Variants in ST3GAL1 observed in about 807,000 individuals in gnomAD.
The protein encoded by ST3GAL1 is ST3 beta-galactoside alpha-2,3-sialyltransferase 1.
Under a neutral mutation model 34.1 loss-of-function variants are expected in ST3GAL1, and 16 were observed. The ratio of observed to expected loss-of-function variants is 0.47; its 90% CI spans 0.32 to 0.71. The LOEUF (loss-of-function observed/expected upper bound fraction) is 0.71. Among genes scored for constraint, ST3GAL1 ranks in the 30% least tolerant of loss-of-function variants. ST3GAL1 has a pLI of 0.04. For missense variants in ST3GAL1, 353 were observed against 447.4 expected (o/e 0.79, Z 1.90); for synonymous variants, 191 against 184.7 (o/e 1.03, Z -0.28).
intron 3 of ST3GAL1, among the ~76,000 whole-genome samples, chr8:133,495,059 C>A (rs904763821): frequency 6.6e-6 from 1 of 152,006 alleles, no homozygotes; most frequent in Non-Finnish European, 1.5e-5. Flanking sequence ...GCTGGGACTA[C>A]AGGTGTGTGC....
At chr8:133,566,472 C>G (rs1187971910) in intron 1 of ST3GAL1, among the ~76,000 whole-genome samples, 4 of 152,132 alleles carry the variant, frequency 2.6e-5, no homozygotes, top group Non-Finnish European at 5.9e-5. Flanking sequence ...CTGGGACTCC[C>G]GCATGCACAA....
At chr8:133,509,596 G>A (rs771312885) in intron 2 of ST3GAL1, among the ~76,000 whole-genome samples, 4 of 152,254 alleles carry the variant, frequency 2.6e-5, no homozygotes, top group South Asian at 2.1e-4. Context: ...GAGCTCAGGC[G>A]GAGGGACATG....
chr8:133,544,522 C>A (rs1178545038), intron 2 of ST3GAL1, among the ~76,000 whole-genome samples: 1 of 152,166 alleles, frequency 6.6e-6, no homozygotes, highest in Non-Finnish European at 1.5e-5. Context: ...CTCACACATG[C>A]CACATCTTCA....
rs1413224060 is a variant in ST3GAL1, at chr8:133,457,277, C to G, written c.*2487G>C. The G allele has an allele frequency of 6.6e-6, 1 of 152,286 alleles. No individual in the cohort carries two copies. Among genetic ancestry groups the G allele is most frequent in the African/African-American group, 2.4e-5 (1 of 41,438 alleles). The allele number at this position is 152,286 out of a possible 1,614,324, so 9.4% of individuals were successfully genotyped here. On this transcript the variant is annotated 3_prime_UTR_variant, in exon 10 of 10. Coordinates refer to ENST00000522652, the MANE Select transcript of ST3GAL1 (RefSeq NM_173344.3). The stretch of plus-strand genomic sequence containing the variant: ...ACCCAGGCAGCATCTGGCTCAGACG[C>G]AGACACATCTTCATGTTGAGGGACC...
At position 133,540,994 on chromosome 8, in the gene ST3GAL1, CATAT is replaced by C. The variant is rs369538224; in HGVS notation, c.-429+4776_-429+4779del. Among the ~76,000 whole-genome samples, 286 of 72,800 alleles carry C rather than the reference CATAT, an allele frequency of 3.9e-3. 3 individuals are homozygous for C. The highest frequency in any genetic ancestry group is 9.8e-3 in the South Asian group (18 of 1,830). 47.8% of individuals were successfully genotyped at this position (72,800 alleles called of 152,430 possible). A position where few individuals can be genotyped will look rare whatever the true frequency, so the allele number is the denominator to read the frequency against. ...ATATATATGCAGACATATATATAGA[CATAT>C]ATATATAGACATATATATGCAGACA... On this transcript the variant is annotated intron_variant, in intron 2 of 9. Coordinates refer to ENST00000522652, the MANE Select transcript of ST3GAL1 (RefSeq NM_173344.3).
At chr8:133,488,380 T>A (rs1313172055) in intron 3 of ST3GAL1, 1 of 152,182 alleles carries the variant, frequency 6.6e-6, no homozygotes, top group African/African-American at 2.4e-5. Flanking sequence ...GTAAAGGAGA[T>A]GAATGCAGGT....
chr8:133,513,440 G>A (rs193050107), intron 2 of ST3GAL1, among the ~76,000 whole-genome samples: 23 of 152,254 alleles, frequency 1.5e-4, no homozygotes, highest in African/African-American at 4.6e-4. Flanking sequence ...AGTACGGAAG[G>A]CCTCCCATAT....
At chr8:133,463,356 C>A in intron 8 of ST3GAL1, 58 bp downstream of exon 8, 1 of 1,597,272 alleles carries the variant, frequency 6.3e-7, no homozygotes, top group East Asian at 2.2e-5. Context: ...TACCTTAGAG[C>A]AGAGCCTTAG....
chr8:133,534,475 C>A (rs1188159276), intron 2 of ST3GAL1, among the ~76,000 whole-genome samples: 1 of 152,156 alleles, frequency 6.6e-6, no homozygotes, highest in Non-Finnish European at 1.5e-5. Context: ...CCCATGCCAT[C>A]CGTATCAGAA....
At chr8:133,495,814 A>G (rs1816929617) in intron 3 of ST3GAL1, among the ~76,000 whole-genome samples, 1 of 152,202 alleles carries the variant, frequency 6.6e-6, no homozygotes, top group East Asian at 1.9e-4. Context: ...GGTGAAGGGG[A>G]GCAGACACAA....
At chr8:133,567,018 T>C (rs1168380037) in intron 1 of ST3GAL1, 1 of 152,200 alleles carries the variant, frequency 6.6e-6, no homozygotes, top group Non-Finnish European at 1.5e-5. Flanking sequence ...ATTATTATGA[T>C]TATTATTATT....
intron 3 of ST3GAL1, among the ~76,000 whole-genome samples, chr8:133,497,132 G>A (rs75247129): frequency 0.066 from 9,992 of 152,256 alleles, 596 homozygotes; most frequent in African/African-American, 0.15. Context: ...CCTGGGCCCT[G>A]TCTGCCTGCT....
At chr8:133,485,357 C>T (rs1484115325) in intron 3 of ST3GAL1, among the ~76,000 whole-genome samples, 1 of 152,236 alleles carries the variant, frequency 6.6e-6, no homozygotes, top group Non-Finnish European at 1.5e-5. Context: ...AACCTGCCTT[C>T]TTCTACCTCC....
intron 2 of ST3GAL1, among the ~76,000 whole-genome samples, chr8:133,514,835 T>C (rs1817596684): frequency 6.6e-6 from 1 of 151,980 alleles, no homozygotes; most frequent in Non-Finnish European, 1.5e-5. Flanking sequence ...CATCCAGGGT[T>C]CTAGGCCTTC....
At chr8:133,468,251 G>A (rs938456282) in intron 5 of ST3GAL1, among the ~76,000 whole-genome samples, 4 of 152,146 alleles carry the variant, frequency 2.6e-5, no homozygotes, top group South Asian at 2.1e-4. Context: ...AACATAGTAC[G>A]TTCCAGACAT....
Position 133,551,541 on chromosome 8 carries a change from G to A in ST3GAL1, c.-581-5615C>T, listed in dbSNP as rs937531837. Among the ~76,000 whole-genome samples the A allele has an allele frequency of 1.4e-3, 133 of 91,960 alleles. 1 individual carries two copies. The highest frequency in any genetic ancestry group is 4.9e-3 in the African/African-American group (119 of 24,048). The allele number at this position is 91,960 out of a possible 152,430, so 60.3% of individuals were successfully genotyped here. On this transcript the variant is annotated intron_variant, in intron 1 of 9. Transcript: ENST00000522652. ...AAGAAAGAAAGAGAAAGAAAGAGAA[G>A]GAAAGAAAGAAAGAAAGAAAGAAAG...
intron 5 of ST3GAL1, among the ~76,000 whole-genome samples, chr8:133,471,046 G>A (rs956815310): frequency 2.0e-5 from 3 of 152,040 alleles, no homozygotes; most frequent in African/African-American, 7.2e-5. Flanking sequence ...AATGAATGAT[G>A]CATCGCCTTC....
rs557478121 is a variant in ST3GAL1 at position 133,460,198 on chromosome 8, G to A, written c.850-261C>T. ...TTACTGCATCTGGGTGGTCTCAGGG[G>A]CCCGGGTCTTACCTCTGCAGCAAGT... On this transcript the variant is annotated intron_variant, in intron 9 of 9. Transcript: ENST00000522652. Among the ~76,000 whole-genome samples, 3 of 152,286 alleles carry A rather than the reference G, an allele frequency of 2.0e-5. No homozygotes were observed. In the South Asian group the frequency reaches 6.2e-4, roughly 32 times the overall value.
At chr8:133,465,617 C>G (rs1188776247) in intron 6 of ST3GAL1, 3 of 366,150 alleles carry the variant, frequency 8.2e-6, no homozygotes, top group Non-Finnish European at 1.5e-5. Flanking sequence ...TGCCCTCTCC[C>G]CAGGCCTCCA....
Sources: gnomAD v4.1 joint callset for allele counts (sites outside exome capture counted in the v4.1 genomes callset) on GRCh38, gnomAD v4.1.1 for gene constraint, MANE v1.5 for transcripts, NCBI Gene and HGNC (gene_info 2026-07-23, HGNC 2026-07-21) for gene names.